Variants in TASOR observed in about 807,000 individuals in gnomAD.
TASOR encodes the protein protein TASOR.
A neutral mutation model predicts 178.6 loss-of-function variants in TASOR; 53 were observed. That is an observed-to-expected ratio of 0.30 (90% CI 0.24 to 0.37). The LOEUF (loss-of-function observed/expected upper bound fraction) is 0.37. Among genes scored for constraint, TASOR ranks in the 10% least tolerant of loss-of-function variants. The pLI is 1.00. For synonymous variants in TASOR, 713 were observed against 696.2 expected, an observed-to-expected ratio of 1.02 and a Z score of -0.38; for missense variants, 1,815 against 1,971.4, an observed-to-expected ratio of 0.92 and a Z score of 1.50.
At chr3:56,644,659 C>A (rs2077198018) in intron 14 of TASOR, among the ~76,000 whole-genome samples, 1 of 151,560 alleles carries the variant, frequency 6.6e-6, no homozygotes, top group Non-Finnish European at 1.5e-5. Context: ...CAAAGCAATA[C>A]TGAGAAGAAC....
intron 6 of TASOR, among the ~76,000 whole-genome samples, chr3:56,667,797 A>C (rs1204091763): frequency 6.6e-6 from 1 of 152,222 alleles, no homozygotes; most frequent in African/African-American, 2.4e-5. Flanking sequence ...CACAAAAACA[A>C]AAAACCATTG....
At chr3:56,634,828 G>A (rs1377090111) in intron 17 of TASOR, among the ~76,000 whole-genome samples, 1 of 152,090 alleles carries the variant, frequency 6.6e-6, no homozygotes, top group Non-Finnish European at 1.5e-5. Flanking sequence ...GTATGTTTTT[G>A]AAACTACATT....
chr3:56,673,781 G>C (rs1488836925), intron 1 of TASOR, 56 bp from the exon 2 acceptor site: 2 of 1,391,512 alleles, frequency 1.4e-6, no homozygotes, highest in Admixed American at 2.8e-5. Flanking sequence ...CTTAAATATA[G>C]CTTTTTATAT....
chr3:56,650,780 A>T (rs2077336526), intron 11 of TASOR, among the ~76,000 whole-genome samples: 1 of 152,206 alleles, frequency 6.6e-6, no homozygotes, highest in African/African-American at 2.4e-5. Context: ...AAGATATTTA[A>T]CTGGGTCTTA....
chr3:56,667,373 C>G (rs114419284), intron 6 of TASOR, among the ~76,000 whole-genome samples: 2 of 151,800 alleles, frequency 1.3e-5, no homozygotes, highest in Admixed American at 1.3e-4. Context: ...GAACAGGTGC[C>G]GGGTGTGGTG....
intron 1 of TASOR, among the ~76,000 whole-genome samples, chr3:56,677,587 T>G (rs7611516): frequency 0.053 from 8,035 of 152,254 alleles, 700 homozygotes; most frequent in African/African-American, 0.18. Context: ...TCTTGTATCC[T>G]GAAATATATG....
chr3:56,659,783 C>T (rs2077552400), intron 11 of TASOR, among the ~76,000 whole-genome samples: 1 of 152,182 alleles, frequency 6.6e-6, no homozygotes, highest in South Asian at 2.1e-4. Context: ...CTGAATGACG[C>T]TGTATGACAC....
chr3:56,626,713 A>T (rs1193504897), intron 21 of TASOR, among the ~76,000 whole-genome samples: 2 of 152,100 alleles, frequency 1.3e-5, no homozygotes, highest in African/African-American at 4.8e-5. Flanking sequence ...ATTGCACTCC[A>T]GCCTGGGCTA....
intron 1 of TASOR, among the ~76,000 whole-genome samples, chr3:56,680,572 A>AT (rs1559859157): frequency 9.1e-5 from 8 of 88,024 alleles, no homozygotes; most frequent in East Asian, 2.3e-3. Flanking sequence ...ACTGTTTTTG[A>AT]ATTTTTTTAA....
chr3:56,661,096 A>T, intron 9 of TASOR, 79 bp from the exon 10 acceptor site: 1 of 833,822 alleles, frequency 1.2e-6, no homozygotes, highest in Non-Finnish European at 1.9e-6. Flanking sequence ...ACAAAAAAGT[A>T]CACTTGATGG....
intron 5 of TASOR, among the ~76,000 whole-genome samples, chr3:56,669,193 C>T (rs902321742): frequency 6.6e-6 from 1 of 152,010 alleles, no homozygotes; most frequent in Non-Finnish European, 1.5e-5. Flanking sequence ...CTCTTAAGTA[C>T]GGTTAGCTTA....
chr3:56,641,211 T>A (rs371984107), intron 15 of TASOR, 138 bp downstream of exon 15: 7 of 748,648 alleles, frequency 9.4e-6, no homozygotes, highest in South Asian at 6.5e-5. Flanking sequence ...GGAAGTACCA[T>A]CCTAGACAGG....
chr3:56,643,070 C>T (rs1264317577), intron 14 of TASOR, among the ~76,000 whole-genome samples: 1 of 151,898 alleles, frequency 6.6e-6, no homozygotes. Flanking sequence ...TCGAAACTAG[C>T]TCAGCCAACA....
intron 23 of TASOR, chr3:56,623,825 G>A (rs1204674870): frequency 6.4e-7 from 1 of 1,551,036 alleles, no homozygotes; most frequent in East Asian, 2.4e-5. Context: ...CTCCAAAGGG[G>A]TTAATGTCAA....
In TASOR at chr3:56,647,120, T is replaced by C. The variant is rs759607651; in HGVS notation, c.1617A>G (p.Arg539=). 4 of 1,607,590 alleles carry C rather than the reference T, an allele frequency of 2.5e-6. No homozygotes were observed. Among genetic ancestry groups the C allele is most frequent in the Non-Finnish European group, 3.4e-6 (4 of 1,178,578 alleles). ...TGGCGCTTATATTTTTGAATTCCTT[T>C]CGACACTGAATCAAAGAAAATTGTA... The part of the protein sequence containing the change: ...QFLQFSLIQC[R]KEFKNISAIN... Residue 539 remains arginine, a synonymous_variant, in exon 14 of 24, where the codon CGA becomes CGG. Coordinates refer to ENST00000683822, the MANE Select transcript of TASOR (RefSeq NM_001365635.2).
At position 56,682,851 on chromosome 3, in the gene TASOR, G is replaced by A; in HGVS notation, c.156C>T (p.Ser52=). 1 of 1,550,284 alleles carries A rather than the reference G, an allele frequency of 6.5e-7. No homozygotes were observed. Among genetic ancestry groups the A allele is most frequent in the South Asian group, 1.2e-5 (1 of 84,026 alleles). ...GGGGLNIAEP[S]GGAGREENAG... ...CGTTCTCCTCACGCCCAGCGCCGCC[G>A]CTGGGCTCAGCGATGTTGAGGCCGC... The change falls in exon 1 of 24, where the codon AGC becomes AGT. Residue 52 remains serine, a synonymous_variant. Transcript: ENST00000683822.
At chr3:56,656,537 G>C (rs1299684827) in intron 11 of TASOR, among the ~76,000 whole-genome samples, 2 of 152,088 alleles carry the variant, frequency 1.3e-5, no homozygotes, top group Non-Finnish European at 2.9e-5. Flanking sequence ...GTTGCAGTGA[G>C]CTGAGATCAC....
chr3:56,642,635 T>C (rs2077148971), intron 14 of TASOR, among the ~76,000 whole-genome samples: 1 of 152,138 alleles, frequency 6.6e-6, no homozygotes, highest in South Asian at 2.1e-4. Flanking sequence ...AGCAGATCAG[T>C]AGTGGAGTGG....
At chr3:56,629,547 A>C (rs1477308146) in intron 18 of TASOR, among the ~76,000 whole-genome samples, 1 of 152,192 alleles carries the variant, frequency 6.6e-6, no homozygotes. Context: ...ATTTCTGTCA[A>C]GTTTCTGTCT....
Sources: allele counts gnomAD v4.1 joint callset (sites outside exome capture counted in the v4.1 genomes callset), GRCh38; gene constraint gnomAD v4.1.1; transcripts MANE v1.5; gene names NCBI Gene and HGNC (gene_info 2026-07-23, HGNC 2026-07-21).